The following SAMD12 variants were observed in gnomAD, a reference collection of about 807,000 sequenced individuals.
The protein encoded by SAMD12 is sterile alpha motif domain-containing protein 12.
A neutral mutation model predicts 15.0 loss-of-function variants in SAMD12; 9 were observed. The ratio of observed to expected loss-of-function variants is 0.60; its 90% confidence interval spans 0.36 to 1.05. The LOEUF (loss-of-function observed/expected upper bound fraction) is 1.05, where lower values mean the gene tolerates loss of function less well. SAMD12 is among the 50% of genes least tolerant of loss of function. SAMD12 has a pLI of 0.01. For missense variants in SAMD12, 230 were observed against 234.2 expected (o/e 0.98, Z 0.12); for synonymous variants, 86 against 90.1 (o/e 0.96, Z 0.25).
At chr8:118,262,977 T>A (rs1813115117) in intron 4 of SAMD12, among the ~76,000 whole-genome samples, 1 of 152,098 alleles carries the variant, frequency 6.6e-6, no homozygotes, top group East Asian at 1.9e-4. Flanking sequence ...TTTTTATAAT[T>A]TTAAAACTTT....
At chr8:118,209,227 G>GA (rs1240337145) in intron 4 of SAMD12, among the ~76,000 whole-genome samples, 1 of 152,108 alleles carries the variant, frequency 6.6e-6, no homozygotes, top group Non-Finnish European at 1.5e-5. Flanking sequence ...AGACATTCCA[G>GA]AAAAGTTTAA....
chr8:118,369,066 A>G (rs1478407380), intron 4 of SAMD12, among the ~76,000 whole-genome samples: 1 of 152,224 alleles, frequency 6.6e-6, no homozygotes, highest in Admixed American at 6.5e-5. Context: ...CCTTATTGCT[A>G]GAATGGGCAC....
In SAMD12 at chr8:118,486,179, C is replaced by T. The variant is rs887235355; in HGVS notation, c.193-46218G>A. 2.6e-5 allele frequency among the ~76,000 whole-genome samples: 4 copies of T among 152,046 alleles called. No homozygotes were observed. The East Asian group carries it at 5.8e-4, about 22-fold the overall frequency. On this transcript the variant is annotated intron_variant, in intron 2 of 3. Transcript: ENST00000314727. ...CCTGTAATCCCAGCACTTTGGGAGG[C>T]CAAGGCGGGCAGATCACGAGGTCAG...
At chr8:118,510,229 TACACAC>T (rs933178691) in intron 2 of SAMD12, among the ~76,000 whole-genome samples, 175 of 151,002 alleles carry the variant, frequency 1.2e-3, no homozygotes, top group African/African-American at 4.0e-3. Context: ...CACACACACA[TACACAC>T]AAACACGCAC....
chr8:118,585,314 T>C (rs1225010309), intron 1 of SAMD12, among the ~76,000 whole-genome samples: 2 of 152,190 alleles, frequency 1.3e-5, no homozygotes, highest in Non-Finnish European at 2.9e-5. Context: ...ATTGGTAAGT[T>C]ATGGGTATAG....
At chr8:118,199,713 C>T (rs76159935) in intron 4 of SAMD12, among the ~76,000 whole-genome samples, 3 of 152,270 alleles carry the variant, frequency 2.0e-5, no homozygotes, top group Non-Finnish European at 4.4e-5. Context: ...TAAAAAAGCA[C>T]TTATAACCAT....
At chr8:118,379,831 C>T (rs2130712766) in intron 3 of SAMD12, 131 bp from the exon 4 acceptor site, 1 of 1,140,576 alleles carries the variant, frequency 8.8e-7, no homozygotes, top group East Asian at 2.5e-5. Flanking sequence ...GAATAAAGGT[C>T]TTCCATTATT....
At chr8:118,557,571 T>C (rs1355527551) in intron 2 of SAMD12, among the ~76,000 whole-genome samples, 1 of 152,128 alleles carries the variant, frequency 6.6e-6, no homozygotes, top group Non-Finnish European at 1.5e-5. Context: ...TATATCTGAG[T>C]CCAAAGACAC....
chr8:118,219,878 C>T (rs1470519350), intron 4 of SAMD12, among the ~76,000 whole-genome samples: 2 of 152,220 alleles, frequency 1.3e-5, no homozygotes, highest in African/African-American at 2.4e-5. Flanking sequence ...TCTGCCCCAA[C>T]GTGCAACTCT....
At chr8:118,267,992 T>G (rs1295981501) in intron 4 of SAMD12, among the ~76,000 whole-genome samples, 1 of 152,082 alleles carries the variant, frequency 6.6e-6, no homozygotes, top group Admixed American at 6.6e-5. Flanking sequence ...TTTGGGAGGC[T>G]GAGGCAGAAG....
intron 1 of SAMD12, among the ~76,000 whole-genome samples, chr8:118,587,468 C>T (rs761440895): frequency 2.7e-4 from 41 of 152,292 alleles, no homozygotes; most frequent in Non-Finnish European, 4.0e-4. Context: ...ATGGCTACAA[C>T]GCCAATAGCA....
chr8:118,158,613 C>T, the SAMD12 span, among the ~76,000 whole-genome samples: 1 of 152,352 alleles, frequency 6.6e-6, no homozygotes, highest in Non-Finnish European at 1.5e-5. Flanking sequence ...GTGAAGCCCA[C>T]CTTCAAGCCA....
intron 2 of SAMD12, among the ~76,000 whole-genome samples, chr8:118,459,273 C>T (rs2130933446): frequency 6.6e-6 from 1 of 152,190 alleles, no homozygotes; most frequent in Non-Finnish European, 1.5e-5. Flanking sequence ...ATCACATTGG[C>T]CAGGCTGGTC....
chr8:118,524,280 T>C (rs527347155), intron 2 of SAMD12, among the ~76,000 whole-genome samples: 5 of 152,150 alleles, frequency 3.3e-5, no homozygotes, highest in Non-Finnish European at 7.4e-5. Flanking sequence ...TATGGGCAAT[T>C]CTCAGGCGCC....
chr8:118,259,950 C>T (rs892535462), intron 4 of SAMD12, among the ~76,000 whole-genome samples: 2 of 152,078 alleles, frequency 1.3e-5, no homozygotes. Flanking sequence ...TAGAGGAGTT[C>T]TTTTGTTTGC....
In SAMD12 at chr8:118,379,290, A is replaced by G. The variant is rs890551559; in HGVS notation, c.*127T>C. ...GGTATTCTCTGGGGTTGTGCAGTAC[A>G]CAATCCATACAACTGTACGTGACCA... is the stretch of plus-strand genomic sequence containing the variant. On this transcript the variant is annotated 3_prime_UTR_variant, in exon 4 of 4. Coordinates refer to ENST00000314727, the MANE Select transcript of SAMD12 (RefSeq NM_207506.3). 3.9e-5 allele frequency: 57 copies of G among 1,461,550 alleles called. No homozygotes were observed. Among genetic ancestry groups the G allele is most frequent in the Admixed American group, 7.2e-5 (3 of 41,418 alleles). 90.5% of individuals were successfully genotyped at this position (1,461,550 alleles called of 1,614,324 possible).
intron 4 of SAMD12, among the ~76,000 whole-genome samples, chr8:118,218,504 T>G (rs898972702): frequency 3.9e-5 from 6 of 152,118 alleles, no homozygotes; most frequent in African/African-American, 2.4e-5. Context: ...CTTTATATCC[T>G]TTGACCAACA....
chr8:118,159,040 C>T, the SAMD12 span, among the ~76,000 whole-genome samples: 2 of 152,048 alleles, frequency 1.3e-5, no homozygotes, highest in African/African-American at 4.8e-5. Context: ...AGAGCTGTAA[C>T]ACAAACAGGT....
chr8:118,475,811 T>C (rs933371844), intron 2 of SAMD12, among the ~76,000 whole-genome samples: 1 of 152,178 alleles, frequency 6.6e-6, no homozygotes, highest in African/African-American at 2.4e-5. Flanking sequence ...AGCGTCACCA[T>C]GTAATTTTTT....
Sources: gnomAD v4.1 joint callset for allele counts (sites outside exome capture counted in the v4.1 genomes callset) on GRCh38, gnomAD v4.1.1 for gene constraint, MANE v1.5 for transcripts, NCBI Gene and HGNC (gene_info 2026-07-23, HGNC 2026-07-21) for gene names.